Variants in RP1 observed in about 807,000 individuals in gnomAD.
The protein encoded by RP1 is RP1 axonemal microtubule associated.
RP1 carries 16 observed loss-of-function variants against 14.8 expected under a neutral mutation model. The observed-to-expected ratio is 1.08, with a 90% CI of 0.73 to 1.65. The LOEUF (loss-of-function observed/expected upper bound fraction) is 1.65. RP1 is among the 40% of genes most tolerant of loss of function. The pLI is 0.00. For missense variants in RP1, 2,631 were observed against 2,535.0 expected (o/e 1.04, Z -0.81); for synonymous variants, 876 against 883.6 (o/e 0.99, Z 0.15).
chr8:54,600,826 T>G (rs1035779998), intron 1 of RP1, among the ~76,000 whole-genome samples: 1 of 152,138 alleles, frequency 6.6e-6, no homozygotes, highest in Admixed American at 6.5e-5. Context: ...TTAAATCTGC[T>G]CCTATCGGTG....
chr8:54,639,524 C>G (rs750069079), intron 3 of RP1, among the ~76,000 whole-genome samples: 6 of 152,198 alleles, frequency 3.9e-5, no homozygotes, highest in South Asian at 4.1e-4. Context: ...TTTTGTATCC[C>G]TACCAACAAT....
At chr8:54,661,289 A>AAATGATATATATACGATATATC (rs1806889722) in intron 6 of RP1, among the ~76,000 whole-genome samples, 22 of 132,662 alleles carry the variant, frequency 1.7e-4, no homozygotes, top group African/African-American at 6.1e-4. Context: ...TATGATATAT[A>AAATGATATATATACGATATATC]AATGATATAT....
intron 25 of RP1, among the ~76,000 whole-genome samples, chr8:54,842,875 C>T (rs931084053): frequency 2.6e-5 from 4 of 152,160 alleles, no homozygotes; most frequent in African/African-American, 9.7e-5. Flanking sequence ...CCCTTTCTGT[C>T]CCGTCTTCTA....
intron 24 of RP1, chr8:54,837,418 G>A (rs2129403128): frequency 9.6e-7 from 1 of 1,042,202 alleles, no homozygotes. Flanking sequence ...GATGTAGGGA[G>A]TTTTAGTTCC....
chr8:54,822,306 A>T (rs1811275833), intron 24 of RP1, among the ~76,000 whole-genome samples: 1 of 152,324 alleles, frequency 6.6e-6, no homozygotes, highest in Admixed American at 6.5e-5. Context: ...TTATCCAGAG[A>T]GTAGCATATT....
At chr8:54,583,874 A>G (rs1213399168) in intron 1 of RP1, among the ~76,000 whole-genome samples, 2 of 152,028 alleles carry the variant, frequency 1.3e-5, no homozygotes, top group African/African-American at 2.4e-5. Flanking sequence ...TATTACGTCT[A>G]TTTGATTCTT....
chr8:54,861,071 C>T (rs1183459190), intron 27 of RP1, among the ~76,000 whole-genome samples: 1 of 152,156 alleles, frequency 6.6e-6, no homozygotes, highest in East Asian at 1.9e-4. Flanking sequence ...TGAAACTACC[C>T]TTCCTACATT....
chr8:54,828,785 C>A (rs183429774), intron 24 of RP1, among the ~76,000 whole-genome samples: 59 of 151,944 alleles, frequency 3.9e-4, no homozygotes, highest in Non-Finnish European at 6.6e-4. Flanking sequence ...GTGTTCTCTA[C>A]GACATTATGA....
intron 24 of RP1, among the ~76,000 whole-genome samples, chr8:54,789,244 C>A (rs1810403153): frequency 6.6e-6 from 1 of 152,164 alleles, no homozygotes; most frequent in Non-Finnish European, 1.5e-5. Flanking sequence ...CTCTGCCTAA[C>A]CATGGAGCAA....
In RP1 at chr8:54,628,707, G is replaced by A; in HGVS notation, c.4825G>A (p.Asp1609Asn). Residue 1609 changes from aspartate (D) to asparagine (N), a missense_variant, in exon 4 of 4, where the codon GAT becomes AAT. Transcript: ENST00000220676. ...DSEQPYKTSSDDPNDSGELTQ... is the reference protein window; with the variant it reads ...DSEQPYKTSSNDPNDSGELTQ... ...TGAGCAGCCATATAAAACATCCAGT[G>A]ATGATCCCAATGACAGTGGCGAACT... 1 of 1,614,062 alleles carries A rather than the reference G, an allele frequency of 6.2e-7. No homozygotes were observed. Among genetic ancestry groups the A allele is most frequent in the Non-Finnish European group, 8.5e-7 (1 of 1,179,946 alleles).
chr8:54,652,561 T>G (rs1260926705), intron 4 of RP1, among the ~76,000 whole-genome samples: 1 of 152,150 alleles, frequency 6.6e-6, no homozygotes. Flanking sequence ...GGTATTGAAG[T>G]CTCCAACTAT....
chr8:54,849,893 G>A (rs528213415), intron 25 of RP1, among the ~76,000 whole-genome samples: 2 of 152,092 alleles, frequency 1.3e-5, no homozygotes, highest in Non-Finnish European at 1.5e-5. Flanking sequence ...TGAAGATAAC[G>A]ACATTGCAAA....
At chr8:54,768,340 T>TA (rs1440384662) in intron 22 of RP1, among the ~76,000 whole-genome samples, 1 of 152,236 alleles carries the variant, frequency 6.6e-6, no homozygotes, top group Non-Finnish European at 1.5e-5. Flanking sequence ...CATCTGTATT[T>TA]AAGTGTCTCA....
At position 54,688,213 on chromosome 8, in the gene RP1, A is replaced by C. The variant is rs1014656499; in HGVS notation, c.1717+8280A>C. On this transcript the variant is annotated intron_variant, in intron 12 of 22. Coordinates refer to the RP1 transcript ENST00000636932. ...GTTCTTTGTAGATTCTGGATATTAGACTTTTGTTAGATGGGTAGATTGCAA... is the reference window on the plus strand; with the variant it reads ...GTTCTTTGTAGATTCTGGATATTAGCCTTTTGTTAGATGGGTAGATTGCAA... 1.1e-4 allele frequency among the ~76,000 whole-genome samples: 17 copies of C among 151,824 alleles called. No homozygotes were observed. The East Asian group carries it at 1.2e-3, about 10-fold the overall frequency.
chr8:54,699,322 A>G, intron 12 of RP1: 1 of 393,182 alleles, frequency 2.5e-6, no homozygotes, highest in Non-Finnish European at 4.5e-6. Flanking sequence ...CAAACTGAAC[A>G]TACTGTGGAG....
chr8:54,706,403 C>G (rs905867310), intron 14 of RP1: 4 of 1,525,896 alleles, frequency 2.6e-6, no homozygotes, highest in African/African-American at 2.7e-5. Flanking sequence ...AACACGAGCC[C>G]GTTACTGACT....
Position 54,627,246 on chromosome 8 carries a change from T to C in RP1, c.3364T>C (p.Cys1122Arg), listed in dbSNP as rs1349478099. The part of the protein sequence containing the change: ...LAGVPFHSAI[C>R]NSSTNLLLAW... ...AGGTGTTCCCTTTCATTCTGCAATA[T>C]GTAATTCATCCACTAATCTCCTTCT... is the stretch of plus-strand genomic sequence containing the variant. The change falls in exon 4 of 4, where the codon TGT (cysteine) becomes CGT (arginine). Residue 1122 changes from cysteine (C) to arginine (R), a missense_variant. By Grantham distance (180) the Cys-to-Arg change is radical. Coordinates refer to ENST00000220676, the MANE Select transcript of RP1 (RefSeq NM_006269.2). 2.5e-6 allele frequency: 4 copies of C among 1,613,994 alleles called. No homozygotes were observed. The African/African-American group carries it at 4.0e-5, about 16-fold the overall frequency.
intron 24 of RP1, among the ~76,000 whole-genome samples, chr8:54,802,883 A>G (rs1183727556): frequency 6.6e-6 from 1 of 152,200 alleles, no homozygotes. Flanking sequence ...AAAATCTTCT[A>G]TAGCTGTTGA....
rs150128457 is a variant in RP1 at position 54,691,923 on chromosome 8, G to A, written c.1718-7544G>A. ...GTTCGTGTACAGCACCCATTAACTC[G>A]TCATTTAGCATTAGGTATATCTCCT... On this transcript the variant is annotated intron_variant, in intron 12 of 22. Coordinates refer to the RP1 transcript ENST00000636932. 2.8e-3 allele frequency among the ~76,000 whole-genome samples: 426 copies of A among 151,812 alleles called. 5 individuals carry two copies. Among genetic ancestry groups the A allele is most frequent in the African/African-American group, 9.5e-3 (393 of 41,384 alleles).
Sources: gnomAD v4.1 joint callset for allele counts (sites outside exome capture counted in the v4.1 genomes callset) on GRCh38, gnomAD v4.1.1 for gene constraint, MANE v1.5 for transcripts, NCBI Gene and HGNC (gene_info 2026-07-23, HGNC 2026-07-21) for gene names.